Variants in CAMK1G observed in about 807,000 individuals in gnomAD.
CAMK1G encodes calcium/calmodulin-dependent protein kinase type 1G.
CAMK1G carries 27 observed loss-of-function variants against 54.8 expected under a neutral mutation model. That is an observed-to-expected ratio of 0.49 (90% CI 0.36 to 0.68). The LOEUF is 0.68. Ranked by LOEUF, CAMK1G falls within the 30% of genes least tolerant of loss-of-function variation. CAMK1G has a pLI of 0.00. For synonymous variants in CAMK1G, 238 were observed against 224.9 expected (o/e 1.06, Z -0.52); for missense variants, 512 against 591.0 (o/e 0.87, Z 1.39).
At chr1:209,584,407 C>A (rs189164956) in intron 1 of CAMK1G, among the ~76,000 whole-genome samples, 1 of 152,218 alleles carries the variant, frequency 6.6e-6, no homozygotes, top group Non-Finnish European at 1.5e-5. Flanking sequence ...AGATGCAGAA[C>A]GCAGCCGAGC....
intron 1 of CAMK1G, among the ~76,000 whole-genome samples, chr1:209,594,092 A>G (rs1048994791): frequency 6.6e-6 from 1 of 152,096 alleles, no homozygotes; most frequent in Non-Finnish European, 1.5e-5. Context: ...GCTCCTTCCC[A>G]AACTTTGGGT....
At chr1:209,606,150 T>A (rs1186965087) in intron 5 of CAMK1G, among the ~76,000 whole-genome samples, 170 bp from the exon 6 acceptor site, 1 of 152,088 alleles carries the variant, frequency 6.6e-6, no homozygotes, top group African/African-American at 2.4e-5. Flanking sequence ...ACTACTGGGG[T>A]GCAGGTGTGA....
In CAMK1G at chr1:209,613,505, T is replaced by C. The variant is rs1218713248; in HGVS notation, c.*503T>C. 1 of 152,358 alleles carries C rather than the reference T, an allele frequency of 6.6e-6. No homozygotes were observed. The highest frequency in any genetic ancestry group is 1.9e-4 in the East Asian group (1 of 5,188). The allele number at this position is 152,358 out of a possible 1,614,324, so 9.4% of individuals were successfully genotyped here. A position where few individuals can be genotyped will look rare whatever the true frequency, so the allele number is the denominator to read the frequency against. On this transcript the variant is annotated 3_prime_UTR_variant, in exon 13 of 13. Transcript: ENST00000361322. ...GGCCAGATTGGGCTCATTAATGTCG[T>C]TGCCTGCCCATCTGCATGAATGACA...
chr1:209,609,079 C>G lies in CAMK1G; in HGVS notation c.735C>G (p.Asp245Glu). 6.2e-7 allele frequency: 1 copy of G among 1,614,134 alleles called. No individual in the cohort carries two copies. Among genetic ancestry groups the G allele is most frequent in the Non-Finnish European group, 8.5e-7 (1 of 1,180,000 alleles). ...AGTTTGAGTCTCCATTCTGGGATGA[C>G]ATTTCTGAGTCAGGTAAGGCCAGTA... is the stretch of plus-strand genomic sequence containing the variant. ...YYEFESPFWD[D>E]ISESAKDFIC... The change falls in exon 8 of 13, where the codon GAC (aspartate) becomes GAG (glutamate). Residue 245 changes from aspartate to glutamate, a missense_variant. Transcript: ENST00000361322.
intron 1 of CAMK1G, among the ~76,000 whole-genome samples, chr1:209,589,819 T>G (rs7524906): frequency 0.86 from 130,729 of 152,284 alleles, 56,406 homozygotes; most frequent in African/African-American, 0.93. Flanking sequence ...ATAGCCCAAA[T>G]TGTACACAGG....
At chr1:209,597,138 T>C (rs2206106) in intron 2 of CAMK1G, among the ~76,000 whole-genome samples, 2,068 of 152,258 alleles carry the variant, frequency 0.014, 43 homozygotes, top group African/African-American at 0.045. Flanking sequence ...CAGTGGGGCA[T>C]GGTGGAGAGT....
intron 6 of CAMK1G, 59 bp from the exon 7 acceptor site, chr1:209,607,799 C>A: frequency 1.4e-6 from 2 of 1,453,316 alleles, no homozygotes; most frequent in Non-Finnish European, 1.9e-6. Context: ...CCTTCAGCTC[C>A]CACCCCAAAG....
At chr1:209,585,435 G>T (rs1051279268) in intron 1 of CAMK1G, among the ~76,000 whole-genome samples, 1 of 152,244 alleles carries the variant, frequency 6.6e-6, no homozygotes, top group Non-Finnish European at 1.5e-5. Flanking sequence ...AGAGGCAACA[G>T]GTTATGTGGT....
At chr1:209,594,324 G>A (rs917783071) in intron 1 of CAMK1G, among the ~76,000 whole-genome samples, 1 of 152,226 alleles carries the variant, frequency 6.6e-6, no homozygotes, top group East Asian at 1.9e-4. Context: ...AGTACCCATC[G>A]GCACCTTGCA....
intron 9 of CAMK1G, among the ~76,000 whole-genome samples, chr1:209,610,869 AGT>A (rs1169118524): frequency 6.6e-6 from 1 of 152,178 alleles, no homozygotes; most frequent in Non-Finnish European, 1.5e-5. Context: ...GCACACAGCA[AGT>A]GTCTGAGGAA....
chr1:209,612,848 G>A lies in CAMK1G; in HGVS notation c.1404G>A (p.Gly468=), dbSNP rs775482451. Reference sequence around the variant, plus strand: ...GTGGCAGCTCCCACTGCCGGGCAGGGCAGACTGGAGTCTGTCTCATTATGT... The same window carrying A: ...GTGGCAGCTCCCACTGCCGGGCAGGACAGACTGGAGTCTGTCTCATTATGT... ...KASGSSHCRA[G]QTGVCLIM Residue 468 remains glycine, a synonymous_variant, in exon 12 of 13, where the codon GGG becomes GGA. Coordinates refer to ENST00000361322, the MANE Select transcript of CAMK1G (RefSeq NM_020439.3). 3.1e-6 allele frequency: 5 copies of A among 1,612,872 alleles called. No individual in the cohort carries two copies. The Admixed American group carries it at 6.7e-5, about 21-fold the overall frequency.
In CAMK1G at chr1:209,611,567, C is replaced by T; in HGVS notation, c.915+15C>T. On this transcript the variant is annotated intron_variant, in intron 10 of 12. Coordinates refer to ENST00000361322, the MANE Select transcript of CAMK1G (RefSeq NM_020439.3). ...GCAAGTGGAGGGTAAGCTGTCCTCT[C>T]CAGGGGGTGGGAAAGCTGTTCTGGG... The T allele has an allele frequency of 1.2e-6, 2 of 1,609,070 alleles. No individual in the cohort carries two copies. Among genetic ancestry groups the T allele is most frequent in the Non-Finnish European group, 1.7e-6 (2 of 1,175,620 alleles).
intron 11 of CAMK1G, 128 bp downstream of exon 11, chr1:209,612,344 G>A (rs1328852619): frequency 1.0e-5 from 10 of 997,136 alleles, no homozygotes; most frequent in Non-Finnish European, 1.5e-5. Flanking sequence ...GATGAGTTCT[G>A]GATGAGGGGG....
At chr1:209,588,724 C>G (rs1186789557) in intron 1 of CAMK1G, among the ~76,000 whole-genome samples, 2 of 152,156 alleles carry the variant, frequency 1.3e-5, no homozygotes, top group Non-Finnish European at 2.9e-5. Flanking sequence ...AGAGTTCCAT[C>G]TCGGGCTAGT....
chr1:209,612,977 A>G, intron 12 of CAMK1G, 63 bp from the exon 13 acceptor site: 1 of 849,938 alleles, frequency 1.2e-6, no homozygotes, highest in South Asian at 1.4e-5. Context: ...CCCATGCCAG[A>G]GTGTGAGTGA....
At chr1:209,612,653 T>C in intron 11 of CAMK1G, 132 bp from the exon 12 acceptor site, 2 of 692,452 alleles carry the variant, frequency 2.9e-6, no homozygotes, top group South Asian at 3.5e-5. Flanking sequence ...TGCAGGTTCT[T>C]GAACTTTCTG....
chr1:209,611,442 G>C, intron 9 of CAMK1G, 23 bp from the exon 10 acceptor site: 1 of 1,612,872 alleles, frequency 6.2e-7, no homozygotes, highest in African/African-American at 1.3e-5. Context: ...CCAGTAGCCA[G>C]GTGTCCCCTC....
chr1:209,611,310 C>T (rs1041952457), intron 9 of CAMK1G, 155 bp from the exon 10 acceptor site: 2 of 198,070 alleles, frequency 1.0e-5, no homozygotes, highest in African/African-American at 4.7e-5. Context: ...CCCAGGGGCA[C>T]AGAGGAGACC....
At chr1:209,585,784 G>T (rs1367998613) in intron 1 of CAMK1G, among the ~76,000 whole-genome samples, 3 of 152,260 alleles carry the variant, frequency 2.0e-5, no homozygotes, top group Non-Finnish European at 4.4e-5. Flanking sequence ...ATTGCCACAC[G>T]AGTGCGCGCG....
Sources: allele counts gnomAD v4.1 joint callset (sites outside exome capture counted in the v4.1 genomes callset), GRCh38; gene constraint gnomAD v4.1.1; transcripts MANE v1.5; gene names NCBI Gene and HGNC (gene_info 2026-07-23, HGNC 2026-07-21).